GRM5: variants seen among roughly 807,000 people sequenced by gnomAD.
The protein encoded by GRM5 is metabotropic glutamate receptor 5.
Under a neutral mutation model 83.1 loss-of-function variants are expected in GRM5, and 19 were observed. That is an observed-to-expected ratio of 0.23 (90% CI 0.16 to 0.34). The LOEUF (loss-of-function observed/expected upper bound fraction) is 0.34, where lower values mean the gene tolerates loss of function less well. Ranked by LOEUF, GRM5 falls within the 10% of genes least tolerant of loss-of-function variation. GRM5 has a pLI of 1.00. For synonymous variants in GRM5, 675 were observed against 633.6 expected (o/e 1.07, Z -0.98); for missense variants, 1,160 against 1,588.3 (o/e 0.73, Z 4.58).
At chr11:89,059,447 TTAG>T (rs1174325330) in intron 1 of GRM5, among the ~76,000 whole-genome samples, 6 of 152,268 alleles carry the variant, frequency 3.9e-5, no homozygotes, top group African/African-American at 1.4e-4. Context: ...TGACTCAAAA[TTAG>T]TAGAATTCAA....
chr11:88,590,779 A>G (rs1377246379), intron 6 of GRM5, 52 bp from the exon 7 acceptor site: 1 of 1,443,128 alleles, frequency 6.9e-7, no homozygotes, highest in African/African-American at 1.4e-5. Flanking sequence ...TAAAAATCCA[A>G]CAATTCTATA....
At chr11:88,543,132 A>C (rs552759805) in intron 8 of GRM5, among the ~76,000 whole-genome samples, 110 of 152,290 alleles carry the variant, frequency 7.2e-4, no homozygotes, top group African/African-American at 2.5e-3. Context: ...ACTAAAATGG[A>C]AAATGCCGTG....
At chr11:88,669,058 G>T (rs1289393406) in intron 3 of GRM5, among the ~76,000 whole-genome samples, 3 of 151,978 alleles carry the variant, frequency 2.0e-5, no homozygotes, top group Non-Finnish European at 1.5e-5. Flanking sequence ...TCCTATTTCT[G>T]GGTATTTATT....
At chr11:88,634,408 A>G (rs925023836) in intron 4 of GRM5, among the ~76,000 whole-genome samples, 2 of 152,128 alleles carry the variant, frequency 1.3e-5, no homozygotes, top group Admixed American at 1.3e-4. Context: ...AGCACATTGT[A>G]TAGCTGCACA....
At chr11:88,653,531 C>A in intron 3 of GRM5, 128 bp from the exon 4 acceptor site, 1 of 605,006 alleles carries the variant, frequency 1.7e-6, no homozygotes, top group Admixed American at 3.0e-5. Flanking sequence ...TCCTATATTA[C>A]ACCGACATGA....
At chr11:88,742,669 G>C (rs189250393) in intron 3 of GRM5, among the ~76,000 whole-genome samples, 1 of 152,100 alleles carries the variant, frequency 6.6e-6, no homozygotes, top group Non-Finnish European at 1.5e-5. Context: ...TTCAAAGTAC[G>C]ACCTCTCTGG....
chr11:88,787,034 G>A (rs1179985802), intron 3 of GRM5, among the ~76,000 whole-genome samples: 2 of 151,842 alleles, frequency 1.3e-5, no homozygotes, highest in African/African-American at 4.8e-5. Flanking sequence ...CAGTATACAA[G>A]TAAATAAGTA....
intron 3 of GRM5, among the ~76,000 whole-genome samples, chr11:88,762,875 A>G (rs981786152): frequency 1.3e-5 from 2 of 151,994 alleles, no homozygotes; most frequent in Admixed American, 1.3e-4. Flanking sequence ...TTGCACGAAC[A>G]TGTAATGGAC....
intron 7 of GRM5, among the ~76,000 whole-genome samples, chr11:88,572,577 A>G (rs1402411768): frequency 1.3e-5 from 2 of 152,170 alleles, no homozygotes; most frequent in Non-Finnish European, 2.9e-5. Context: ...GGGATATTAT[A>G]CTTTCTAACA....
At chr11:88,644,617 C>G (rs560843318) in intron 4 of GRM5, among the ~76,000 whole-genome samples, 1 of 152,234 alleles carries the variant, frequency 6.6e-6, no homozygotes, top group South Asian at 2.1e-4. Context: ...CAGTAAACTA[C>G]TTTCTGTGTG....
intron 2 of GRM5, among the ~76,000 whole-genome samples, chr11:88,928,739 C>CT (rs983557993): frequency 1.3e-5 from 2 of 151,786 alleles, no homozygotes; most frequent in African/African-American, 4.8e-5. Flanking sequence ...ATTAAATATT[C>CT]CAAACGTGGG....
rs1218449394 is a variant in GRM5, at chr11:89,030,329, A to G, written c.661+16883T>C. Among the ~76,000 whole-genome samples, 17 of 152,218 alleles carry G rather than the reference A, an allele frequency of 1.1e-4. No individual in the cohort carries two copies. The East Asian group carries it at 3.1e-3, about 28-fold the overall frequency. On this transcript the variant is annotated intron_variant, in intron 2 of 9. Transcript: ENST00000305447. ...TATATTGTGTCTCTTTGGCTTTATCAGTGGTTACAGAGCTTTGTGGTAATC... is the reference window on the plus strand; with the variant it reads ...TATATTGTGTCTCTTTGGCTTTATCGGTGGTTACAGAGCTTTGTGGTAATC...
At chr11:88,996,398 T>C (rs1223263207) in intron 2 of GRM5, among the ~76,000 whole-genome samples, 1 of 152,232 alleles carries the variant, frequency 6.6e-6, no homozygotes, top group African/African-American at 2.4e-5. Context: ...ACACTATCTA[T>C]GGCTGCAACT....
intron 8 of GRM5, among the ~76,000 whole-genome samples, chr11:88,558,122 A>G: frequency 6.6e-6 from 1 of 152,274 alleles, no homozygotes; most frequent in Non-Finnish European, 1.5e-5. Flanking sequence ...CAATGTACCC[A>G]GTATATAATG....
At chr11:88,671,921 G>T (rs1445968183) in intron 3 of GRM5, among the ~76,000 whole-genome samples, 1 of 151,956 alleles carries the variant, frequency 6.6e-6, no homozygotes, top group Non-Finnish European at 1.5e-5. Context: ...TGCTCTTTTG[G>T]TTGTACATTA....
At chr11:88,835,775 C>T (rs1475478860) in intron 3 of GRM5, among the ~76,000 whole-genome samples, 2 of 152,156 alleles carry the variant, frequency 1.3e-5, no homozygotes, top group Non-Finnish European at 2.9e-5. Flanking sequence ...CCAAAGAGTA[C>T]ATTTCTTATT....
intron 3 of GRM5, among the ~76,000 whole-genome samples, chr11:88,660,456 A>C (rs1939875856): frequency 6.6e-6 from 1 of 152,220 alleles, no homozygotes; most frequent in Non-Finnish European, 1.5e-5. Flanking sequence ...TTAATACTAC[A>C]ACTCCATGGA....
chr11:88,604,597 G>T (rs879460766), intron 5 of GRM5, 121 bp downstream of exon 5: 7 of 819,452 alleles, frequency 8.5e-6, no homozygotes, highest in Non-Finnish European at 1.3e-5. Context: ...GGGATGTCAG[G>T]GAAGGGGAAA....
At chr11:89,025,050 A>T (rs1302050303) in intron 2 of GRM5, among the ~76,000 whole-genome samples, 2 of 152,244 alleles carry the variant, frequency 1.3e-5, no homozygotes, top group East Asian at 3.8e-4. Context: ...TAGGTGTGGT[A>T]AGAATGAAAT....
Sources: allele counts gnomAD v4.1 joint callset (sites outside exome capture counted in the v4.1 genomes callset), GRCh38; gene constraint gnomAD v4.1.1; transcripts MANE v1.5; gene names NCBI Gene and HGNC (gene_info 2026-07-23, HGNC 2026-07-21).